SLAMF9: variants seen among roughly 807,000 people sequenced by gnomAD.
SLAMF9 encodes the protein CD2 family member 10.
SLAMF9 carries 25 observed loss-of-function variants against 30.4 expected under a neutral mutation model. That is an observed-to-expected ratio of 0.82 (90% CI 0.60 to 1.15). The LOEUF (loss-of-function observed/expected upper bound fraction) is 1.15, where lower values mean the gene tolerates loss of function less well. SLAMF9 is among the 50% of genes most tolerant of loss of function. SLAMF9 has a pLI of 0.00. For synonymous variants in SLAMF9, 129 were observed against 127.2 expected (o/e 1.01, Z -0.09); for missense variants, 344 against 346.1 (o/e 0.99, Z 0.05).
At chr1:159,973,411 A>G in the SLAMF9 span, 1 of 506,338 alleles carries the variant, frequency 2.0e-6, no homozygotes, top group Non-Finnish European at 3.5e-6. Flanking sequence ...TTTCATCACC[A>G]AGACCTGTCC....
At chr1:159,955,593 C>T (rs1214503139), upstream of SLAMF9, among the ~76,000 whole-genome samples, 1 of 152,180 alleles carries the variant, frequency 6.6e-6, no homozygotes, top group African/African-American at 2.4e-5. Flanking sequence ...GTCTTAAGTG[C>T]TGGGGAATTA....
the SLAMF9 span, among the ~76,000 whole-genome samples, chr1:159,967,991 AG>A: frequency 6.6e-6 from 1 of 152,118 alleles, no homozygotes; most frequent in Non-Finnish European, 1.5e-5. Flanking sequence ...ATCAGTTCTA[AG>A]GGTTTTTGAT....
intron 2 of SLAMF9, among the ~76,000 whole-genome samples, 190 bp downstream of exon 2, chr1:159,953,119 G>A (rs995741302): frequency 5.3e-5 from 8 of 152,154 alleles, no homozygotes; most frequent in African/African-American, 1.9e-4. Context: ...AGGTCACTCC[G>A]CCTGTTGCTG....
At chr1:159,956,983 G>T (rs185347734), upstream of SLAMF9, among the ~76,000 whole-genome samples, 1 of 151,838 alleles carries the variant, frequency 6.6e-6, no homozygotes, top group South Asian at 2.1e-4. Context: ...TTAGCCGGGC[G>T]TGGTGGCGGG....
At chr1:159,953,861 C>T (rs1651862033) in intron 1 of SLAMF9, among the ~76,000 whole-genome samples, 1 of 152,198 alleles carries the variant, frequency 6.6e-6, no homozygotes, top group African/African-American at 2.4e-5. Flanking sequence ...CCATCTGTCC[C>T]TTCACCCTCC....
At chr1:159,958,039 C>T (rs2101893440), upstream of SLAMF9, among the ~76,000 whole-genome samples, 1 of 152,310 alleles carries the variant, frequency 6.6e-6, no homozygotes, top group East Asian at 1.9e-4. Context: ...GGAGCTCTGG[C>T]ACCGACTGCC....
At chr1:159,975,011 C>A in the SLAMF9 span, among the ~76,000 whole-genome samples, 1 of 152,144 alleles carries the variant, frequency 6.6e-6, no homozygotes, top group Non-Finnish European at 1.5e-5. Flanking sequence ...AACCACAGAG[C>A]ACTTGGGTTT....
the SLAMF9 span, chr1:159,973,127 G>T: frequency 6.5e-7 from 1 of 1,535,454 alleles, no homozygotes; most frequent in Admixed American, 1.7e-5. Context: ...GGGGGCCCCT[G>T]TCCTGCAAGG....
the SLAMF9 span, among the ~76,000 whole-genome samples, chr1:159,976,172 T>A: frequency 6.6e-6 from 1 of 152,076 alleles, no homozygotes; most frequent in Admixed American, 6.6e-5. Flanking sequence ...ATCTATATAA[T>A]ATATATGGCT....
At chr1:159,962,411 G>A in the SLAMF9 span, among the ~76,000 whole-genome samples, 2 of 152,148 alleles carry the variant, frequency 1.3e-5, no homozygotes, top group African/African-American at 2.4e-5. Flanking sequence ...GGGAGGCCGA[G>A]GTGGGCGGCG....
At position 159,952,320 on chromosome 1, in the gene SLAMF9, G is replaced by A; in HGVS notation, c.606C>T (p.Ala202=). 1 of 1,614,076 alleles carries A rather than the reference G, an allele frequency of 6.2e-7. No homozygotes were observed. Among genetic ancestry groups the A allele is most frequent in the Non-Finnish European group, 8.5e-7 (1 of 1,180,008 alleles). The part of the protein sequence containing the change: ...GDSALSYTCR[A]NNPISNVSSC... Reference sequence around the variant, plus strand: ...AACTGACGTTGCTGATGGGGTTGTTGGCTCTGCAGGTGTAGGAGAGGGCAC... The same window carrying A: ...AACTGACGTTGCTGATGGGGTTGTTAGCTCTGCAGGTGTAGGAGAGGGCAC... The change falls in exon 3 of 4, where the codon GCC becomes GCT. Residue 202 remains alanine (A), a synonymous_variant. Transcript: ENST00000368093.
the SLAMF9 span, chr1:159,977,036 G>T: frequency 6.6e-6 from 1 of 152,068 alleles, no homozygotes; most frequent in Non-Finnish European, 1.5e-5. Flanking sequence ...TTGTAGCTAG[G>T]GGGAGAGTAG....
chr1:159,962,745 G>T, the SLAMF9 span, among the ~76,000 whole-genome samples: 2 of 152,170 alleles, frequency 1.3e-5, no homozygotes, highest in Non-Finnish European at 2.9e-5. Flanking sequence ...AAAACTGAAG[G>T]TTTACGTGAA....
the SLAMF9 span, among the ~76,000 whole-genome samples, chr1:159,963,065 G>C: frequency 6.6e-6 from 1 of 152,176 alleles, no homozygotes; most frequent in Non-Finnish European, 1.5e-5. Context: ...CATGCCTCTG[G>C]AACCAAACTA....
chr1:159,953,377 TA>T lies in SLAMF9; in HGVS notation c.322del (p.Tyr108ThrfsTer7), dbSNP rs1423393842. 5 of 1,613,958 alleles carry T rather than the reference TA, an allele frequency of 3.1e-6. No homozygotes were observed. In the African/African-American group the frequency reaches 6.7e-5, roughly 22 times the overall value. On this transcript the variant is annotated frameshift_variant, in exon 2 of 4. Coordinates refer to ENST00000368093, the MANE Select transcript of SLAMF9 (RefSeq NM_033438.4). LOFTEE classifies it high-confidence loss of function. The part of the protein sequence containing the change: ...SNLSWEDSGL[Y>X]QAQVNLRTSQ... ...TGTTCTCAGGTTGACTTGAGCTTGGTAAAGCCCTGAATCCTCCCAGCTCAGA... is the reference window on the plus strand; with the variant it reads ...TGTTCTCAGGTTGACTTGAGCTTGGTAAGCCCTGAATCCTCCCAGCTCAGA...
chr1:159,968,841 A>C, the SLAMF9 span, among the ~76,000 whole-genome samples: 1 of 152,206 alleles, frequency 6.6e-6, no homozygotes, highest in Admixed American at 6.5e-5. Context: ...ACCTGAGGTC[A>C]GGAGTTCGAA....
chr1:159,965,039 C>T, the SLAMF9 span, among the ~76,000 whole-genome samples: 7 of 152,198 alleles, frequency 4.6e-5, no homozygotes, highest in African/African-American at 1.7e-4. Flanking sequence ...TGGAATGCTG[C>T]CTCATTTTAT....
the SLAMF9 span, chr1:159,972,905 G>C: frequency 1.0e-6 from 1 of 999,276 alleles, no homozygotes; most frequent in East Asian, 3.0e-5. Flanking sequence ...CTCCTCTCCT[G>C]GGGACACTTC....
At position 159,951,672 on chromosome 1, in the gene SLAMF9, TG is replaced by T; in HGVS notation, c.858del (p.Ser287AlafsTer46). The T allele has an allele frequency of 6.2e-7, 1 of 1,614,048 alleles. No homozygotes were observed. The highest frequency in any genetic ancestry group is 8.5e-7 in the Non-Finnish European group (1 of 1,180,008). ...MKLRKEAKPGSSPA is the reference protein window; with the variant it reads ...MKLRKEAKPGXSPA Reference sequence around the variant, plus strand: ...TTCCCAAGGAGCAGTCAGGCAGGGCTGGAGCCAGGCTTTGCCTCCTTCCTCA... The same window carrying T: ...TTCCCAAGGAGCAGTCAGGCAGGGCTGAGCCAGGCTTTGCCTCCTTCCTCA... On this transcript the variant is annotated frameshift_variant, in exon 4 of 4. Transcript: ENST00000368093. LOFTEE classifies it high-confidence loss of function.
Sources: gnomAD v4.1 joint callset for allele counts (sites outside exome capture counted in the v4.1 genomes callset) on GRCh38, gnomAD v4.1.1 for gene constraint, MANE v1.5 for transcripts, NCBI Gene and HGNC (gene_info 2026-07-23, HGNC 2026-07-21) for gene names.